Variants in SHOC1 observed in about 807,000 individuals in gnomAD.
SHOC1 encodes shortage in chiasmata 1, also known as protein shortage in chiasmata 1 ortholog.
In SHOC1, 136 loss-of-function variants were observed where a neutral mutation model predicts 179.2. The ratio of observed to expected loss-of-function variants is 0.76; its 90% CI spans 0.66 to 0.87. The LOEUF (loss-of-function observed/expected upper bound fraction) is 0.87. SHOC1 is among the 40% of genes least tolerant of loss of function. The probability of loss-of-function intolerance (pLI) is 0.00; values close to 1 mark genes in which losing one functional copy is unlikely to be tolerated. For missense variants in SHOC1, 1,538 were observed against 1,700.8 expected, an observed-to-expected ratio of 0.90 and a Z score of 1.68; for synonymous variants, 489 against 586.6, an observed-to-expected ratio of 0.83 and a Z score of 2.41.
chr9:111,694,021 C>T (rs867428794), intron 25 of SHOC1, 73 bp from the exon 26 acceptor site: 1 of 1,302,268 alleles, frequency 7.7e-7, no homozygotes, highest in Non-Finnish European at 1.1e-6. Flanking sequence ...CAAGTAAGTA[C>T]ATTTCTTCCT....
intron 18 of SHOC1, among the ~76,000 whole-genome samples, chr9:111,709,968 C>T (rs1015970841): frequency 7.2e-5 from 11 of 151,978 alleles, no homozygotes; most frequent in Non-Finnish European, 1.5e-5. Flanking sequence ...AGAAGGTGTC[C>T]CACTGAGTAG....
chr9:111,708,241 C>T (rs1283973927), intron 18 of SHOC1, among the ~76,000 whole-genome samples: 9 of 150,620 alleles, frequency 6.0e-5, no homozygotes, highest in African/African-American at 2.0e-4. Flanking sequence ...CTCGCTCTGT[C>T]GCCCAGGCTG....
intron 10 of SHOC1, among the ~76,000 whole-genome samples, chr9:111,743,483 T>C (rs985718030): frequency 2.0e-5 from 3 of 152,174 alleles, no homozygotes; most frequent in African/African-American, 4.8e-5. Flanking sequence ...ATATCCACAC[T>C]ATATGTACTC....
chr9:111,701,117 T>A (rs1831951964), intron 23 of SHOC1, among the ~76,000 whole-genome samples: 1 of 152,138 alleles, frequency 6.6e-6, no homozygotes, highest in Non-Finnish European at 1.5e-5. Flanking sequence ...ATATACTGAG[T>A]CCTCCTAGCA....
intron 12 of SHOC1, among the ~76,000 whole-genome samples, chr9:111,731,540 C>T (rs1833569962): frequency 6.6e-6 from 1 of 152,150 alleles, no homozygotes; most frequent in Non-Finnish European, 1.5e-5. Flanking sequence ...AGAACACACA[C>T]ATTTATCAAT....
intron 5 of SHOC1, among the ~76,000 whole-genome samples, chr9:111,763,239 G>A (rs78995182): frequency 1.3e-5 from 2 of 151,828 alleles, no homozygotes; most frequent in African/African-American, 2.4e-5. Flanking sequence ...ATTCAGGAGA[G>A]AGAACAAGAG....
At chr9:111,731,449 A>G (rs779779918) in intron 12 of SHOC1, among the ~76,000 whole-genome samples, 20 of 152,200 alleles carry the variant, frequency 1.3e-4, no homozygotes, top group Non-Finnish European at 2.5e-4. Context: ...GCCTAATTTT[A>G]GTACCGTTGT....
chr9:111,741,425 A>G (rs1024499380), intron 11 of SHOC1, 51 bp downstream of exon 11: 4 of 1,016,040 alleles, frequency 3.9e-6, no homozygotes, highest in Non-Finnish European at 6.1e-6. Flanking sequence ...TACTCGTTGT[A>G]CCTTTTTACC....
intron 18 of SHOC1, 43 bp downstream of exon 18, chr9:111,713,057 C>A: frequency 1.7e-6 from 2 of 1,193,826 alleles, no homozygotes; most frequent in South Asian, 2.6e-5. Flanking sequence ...TTTATAAGTT[C>A]AAGCATTTGT....
chr9:111,741,361 G>A lies in SHOC1; in HGVS notation c.1174+115C>T. 1.1e-5 allele frequency: 6 copies of A among 561,748 alleles called. No homozygotes were observed. In the South Asian group the frequency reaches 1.1e-4, roughly 10 times the overall value. The allele number at this position is 561,748 out of a possible 1,614,324, so 34.8% of individuals were successfully genotyped here. On this transcript the variant is annotated intron_variant, in intron 11 of 27. Coordinates refer to ENST00000682961, the MANE Select transcript of SHOC1 (RefSeq NM_001378211.1). The stretch of plus-strand genomic sequence containing the variant: ...ATATCTTGGTATTTTAGCTTTAGGC[G>A]AAGTTATATATTCTGTTAAGAAATG...
At chr9:111,775,732 A>G in intron 5 of SHOC1, 59 bp downstream of exon 5, 1 of 1,404,604 alleles carries the variant, frequency 7.1e-7, no homozygotes. Flanking sequence ...AACTCACTGA[A>G]AAGAATATGT....
chr9:111,741,152 T>C (rs921141265), intron 11 of SHOC1, among the ~76,000 whole-genome samples: 1 of 151,452 alleles, frequency 6.6e-6, no homozygotes, highest in Non-Finnish European at 1.5e-5. Flanking sequence ...TTTATTTTTA[T>C]TTTTTTTTAC....
Position 111,767,014 on chromosome 9 carries a change from T to C in SHOC1, c.443-8166A>G, listed in dbSNP as rs138999755. Among the ~76,000 whole-genome samples, 17 of 137,844 alleles carry C rather than the reference T, an allele frequency of 1.2e-4. No homozygotes were observed. In the East Asian group the frequency reaches 3.6e-3, roughly 29 times the overall value. 90.4% of individuals were successfully genotyped at this position (137,844 alleles called of 152,430 possible). Reference sequence around the variant, plus strand: ...TCTTCTTTTGAGAAGTGTCTGTTCATATCTTTTGCCCATTTTTAATTGGAT... The same window carrying C: ...TCTTCTTTTGAGAAGTGTCTGTTCACATCTTTTGCCCATTTTTAATTGGAT... On this transcript the variant is annotated intron_variant, in intron 5 of 27. Coordinates refer to ENST00000682961, the MANE Select transcript of SHOC1 (RefSeq NM_001378211.1).
At position 111,780,944 on chromosome 9, in the gene SHOC1, C is replaced by T. The variant is rs1836014147; in HGVS notation, c.243G>A (p.Glu81=). The T allele has an allele frequency of 1.2e-6, 2 of 1,612,124 alleles. No homozygotes were observed. Among genetic ancestry groups the T allele is most frequent in the Non-Finnish European group, 1.7e-6 (2 of 1,178,806 alleles). ...LDQWKASFFV[E]DFLEKKTITR... is the part of the protein sequence containing the mutation. ...AGGATACATACTTCTCAAGGAAATC[C>T]TCCACAAAGAAACTTGCTTTCCATT... Residue 81 remains glutamate, a synonymous_variant, in exon 4 of 28, where the codon GAG becomes GAA. Transcript: ENST00000682961.
intron 8 of SHOC1, among the ~76,000 whole-genome samples, chr9:111,750,031 T>A (rs892795633): frequency 6.6e-6 from 1 of 152,110 alleles, no homozygotes; most frequent in African/African-American, 2.4e-5. Flanking sequence ...TTCCTTTGGG[T>A]ATATATATAC....
chr9:111,705,219 T>C lies in SHOC1; in HGVS notation c.2855+28A>G, dbSNP rs370344895. The C allele has an allele frequency of 2.2e-5, 24 of 1,114,604 alleles. No homozygotes were observed. In the African/African-American group the frequency reaches 3.9e-4, roughly 18 times the overall value. 69.0% of individuals were successfully genotyped at this position (1,114,604 alleles called of 1,614,324 possible). A position where few individuals can be genotyped will look rare whatever the true frequency, so the allele number is the denominator to read the frequency against. ...CACATATATATATAATGTACACTTT[T>C]GTTAAAATTGTGAAATCAATAACTT... On this transcript the variant is annotated intron_variant, in intron 21 of 27. Transcript: ENST00000682961.
At chr9:111,770,556 T>C (rs571242451) in intron 5 of SHOC1, among the ~76,000 whole-genome samples, 1 of 152,282 alleles carries the variant, frequency 6.6e-6, no homozygotes, top group East Asian at 1.9e-4. Flanking sequence ...AAATGTTAGT[T>C]AGGCCTATTC....
intron 3 of SHOC1, among the ~76,000 whole-genome samples, chr9:111,784,848 G>T (rs191088181): frequency 6.7e-4 from 102 of 151,978 alleles, no homozygotes; most frequent in Non-Finnish European, 1.1e-3. Context: ...AGCTCTTTGG[G>T]GTCTCTTTTA....
intron 6 of SHOC1, 50 bp from the exon 7 acceptor site, chr9:111,758,245 TA>T: frequency 1.0e-6 from 1 of 973,024 alleles, no homozygotes; most frequent in Non-Finnish European, 1.5e-6. Context: ...AGTTACATAC[TA>T]AATGTAGCCA....
Sources: allele counts gnomAD v4.1 joint callset (sites outside exome capture counted in the v4.1 genomes callset), GRCh38; gene constraint gnomAD v4.1.1; transcripts MANE v1.5; gene names NCBI Gene and HGNC (gene_info 2026-07-23, HGNC 2026-07-21).